MEIS2: variants seen among roughly 807,000 people sequenced by gnomAD.
MEIS2 encodes homeobox protein Meis2.
A neutral mutation model predicts 58.6 loss-of-function variants in MEIS2; 9 were observed. The observed-to-expected ratio is 0.15, with a 90% CI of 0.09 to 0.27. The LOEUF is 0.27. Among genes scored for constraint, MEIS2 ranks in the 10% least tolerant of loss-of-function variants. The pLI is 1.00. For synonymous variants in MEIS2, 221 were observed against 228.4 expected, an observed-to-expected ratio of 0.97 and a Z score of 0.29; for missense variants, 427 against 635.0, an observed-to-expected ratio of 0.67 and a Z score of 3.52.
chr15:37,062,930 A>T (rs138892751), intron 7 of MEIS2, among the ~76,000 whole-genome samples: 7 of 152,316 alleles, frequency 4.6e-5, no homozygotes, highest in African/African-American at 1.7e-4. Flanking sequence ...ATGGGGTAAG[A>T]CGTCTCTTCA....
At chr15:37,009,848 A>G (rs1305033924) in intron 8 of MEIS2, among the ~76,000 whole-genome samples, 3 of 152,256 alleles carry the variant, frequency 2.0e-5, no homozygotes, top group African/African-American at 7.2e-5. Context: ...ACATGTGTCT[A>G]CATAGATACA....
Position 36,941,976 on chromosome 15 carries a change from C to T in MEIS2, c.977+8348G>A, listed in dbSNP as rs116060552. ...TAAGGAAGTTTGGAACTTAGGAGGT[C>T]GACATTAAACAGCCTGAAACCTCAG... On this transcript the variant is annotated intron_variant, in intron 9 of 11. Transcript: ENST00000561208. 5.8e-3 allele frequency among the ~76,000 whole-genome samples: 885 copies of T among 152,080 alleles called. 8 individuals are homozygous for T. The highest frequency in any genetic ancestry group is 0.02 in the African/African-American group (832 of 41,490).
In MEIS2 at chr15:37,020,754, GA is replaced by G. The variant is rs199835205; in HGVS notation, c.900+16059del. Reference sequence around the variant, plus strand: ...CATCCTCACTGGCTGTGTTATGGGGGAAAAAAAAACCCATAAACCTTTGAAC... The same window carrying G: ...CATCCTCACTGGCTGTGTTATGGGGGAAAAAAAACCCATAAACCTTTGAAC... On this transcript the variant is annotated intron_variant, in intron 8 of 11. Transcript: ENST00000561208. 3.3e-3 allele frequency among the ~76,000 whole-genome samples: 480 copies of G among 146,840 alleles called. 3 individuals are homozygous for G. Among genetic ancestry groups the G allele is most frequent in the African/African-American group, 0.01 (413 of 40,034 alleles).
intron 8 of MEIS2, chr15:36,972,699 A>G (rs1194768): frequency 6.6e-6 from 1 of 152,158 alleles, no homozygotes; most frequent in East Asian, 1.9e-4. Context: ...GGTTTCCAAA[A>G]GACCTTAATT....
At chr15:37,061,743 T>C (rs976211523) in intron 7 of MEIS2, among the ~76,000 whole-genome samples, 11 of 152,168 alleles carry the variant, frequency 7.2e-5, no homozygotes. Context: ...GAGATGGTTG[T>C]AGAAACTAAG....
In MEIS2 at chr15:37,069,552, A is replaced by AG. The variant is rs574576429; in HGVS notation, c.754+14218dup. ...CCTAATTCTCCTTCCCACAGCCAAA[A>AG]GGGGGTGTGACACATCCAAGTGGGC... On this transcript the variant is annotated intron_variant, in intron 7 of 11. Coordinates refer to ENST00000561208, the MANE Select transcript of MEIS2 (RefSeq NM_170675.5). Among the ~76,000 whole-genome samples, 814 of 152,280 alleles carry AG rather than the reference A, an allele frequency of 5.3e-3. 5 individuals are homozygous for AG. The highest frequency in any genetic ancestry group is 9.2e-3 in the Non-Finnish European group (624 of 68,012).
At chr15:36,927,458 G>T (rs1203741208) in intron 9 of MEIS2, among the ~76,000 whole-genome samples, 1 of 152,078 alleles carries the variant, frequency 6.6e-6, no homozygotes, top group African/African-American at 2.4e-5. Flanking sequence ...AGAAACTAAC[G>T]CAAAGTGGGA....
intron 8 of MEIS2, among the ~76,000 whole-genome samples, chr15:37,007,354 T>C (rs1331482779): frequency 6.6e-6 from 1 of 151,806 alleles, no homozygotes; most frequent in Non-Finnish European, 1.5e-5. Context: ...CATAGCAAGG[T>C]CCCATCTCAA....
At position 36,904,638 on chromosome 15, in the gene MEIS2, C is replaced by CTT. The variant is rs55954977; in HGVS notation, c.978-7954_978-7953dup. Among the ~76,000 whole-genome samples, 72 of 129,124 alleles carry CTT rather than the reference C, an allele frequency of 5.6e-4. No homozygotes were observed. The East Asian group carries it at 6.0e-3, about 11-fold the overall frequency. The allele number at this position is 129,124 out of a possible 152,430, so 84.7% of individuals were successfully genotyped here. On this transcript the variant is annotated intron_variant, in intron 9 of 11. Coordinates refer to ENST00000561208, the MANE Select transcript of MEIS2 (RefSeq NM_170675.5). ...AGAGATAAAAGGATTACATTTTCTTCTTTTTTTTTTTTTATCTGTGAGCAA... is the reference window on the plus strand; with the variant it reads ...AGAGATAAAAGGATTACATTTTCTTCTTTTTTTTTTTTTTTATCTGTGAGCAA...
At chr15:36,991,268 G>C (rs1477443430) in intron 8 of MEIS2, among the ~76,000 whole-genome samples, 1 of 124,430 alleles carries the variant, frequency 8.0e-6, no homozygotes, top group Non-Finnish European at 1.7e-5. Flanking sequence ...TTTTTTTTTT[G>C]TGCAAACTCA....
At chr15:36,979,278 G>A (rs2059855868) in intron 8 of MEIS2, among the ~76,000 whole-genome samples, 1 of 151,840 alleles carries the variant, frequency 6.6e-6, no homozygotes, top group South Asian at 2.1e-4. Context: ...TTTTAGATTT[G>A]GGTACCATCC....
At chr15:37,026,027 C>T (rs78628518) in intron 8 of MEIS2, among the ~76,000 whole-genome samples, 5,246 of 152,034 alleles carry the variant, frequency 0.035, 321 homozygotes, top group African/African-American at 0.12. Flanking sequence ...ACCCCATGTT[C>T]CCATGTTCTC....
Position 36,922,420 on chromosome 15 carries a change from GTGTT to G in MEIS2, c.978-25738_978-25735del, listed in dbSNP as rs546562152. Among the ~76,000 whole-genome samples the G allele has an allele frequency of 4.3e-3, 645 of 151,758 alleles. 2 individuals are homozygous for G. Among genetic ancestry groups the G allele is most frequent in the African/African-American group, 0.014 (566 of 41,348 alleles). On this transcript the variant is annotated intron_variant, in intron 9 of 11. Coordinates refer to ENST00000561208, the MANE Select transcript of MEIS2 (RefSeq NM_170675.5). Reference sequence around the variant, plus strand: ...AGAATCAAAAGGTTTTTTTGTGTGTGTGTTTGTTTGTTTTCACCTCATTTTACGT... The same window carrying G: ...AGAATCAAAAGGTTTTTTTGTGTGTGTGTTTGTTTTCACCTCATTTTACGT...
In MEIS2 at chr15:37,096,449, C is replaced by T. The variant is rs771598704; in HGVS notation, c.246-19G>A. The T allele has an allele frequency of 1.9e-6, 3 of 1,610,276 alleles. No individual in the cohort carries two copies. In the South Asian group the frequency reaches 3.3e-5, roughly 18 times the overall value. Reference sequence around the variant, plus strand: ...CGGGTGCCTAACGGGCAGCGCCACGCAGAGACACACACACAGAGACGGGGT... The same window carrying T: ...CGGGTGCCTAACGGGCAGCGCCACGTAGAGACACACACACAGAGACGGGGT... On this transcript the variant is annotated intron_variant, in intron 2 of 11. Coordinates refer to ENST00000561208, the MANE Select transcript of MEIS2 (RefSeq NM_170675.5).
chr15:36,945,981 G>A (rs1438140062), intron 9 of MEIS2, among the ~76,000 whole-genome samples: 2 of 151,920 alleles, frequency 1.3e-5, no homozygotes, highest in Non-Finnish European at 2.9e-5. Context: ...TGTAATTACT[G>A]CAGTGACATG....
chr15:36,968,153 C>T (rs756098780), intron 8 of MEIS2, among the ~76,000 whole-genome samples: 5 of 152,134 alleles, frequency 3.3e-5, no homozygotes, highest in African/African-American at 7.2e-5. Flanking sequence ...TGCTATTTGT[C>T]GAAGCAGCGT....
intron 9 of MEIS2, among the ~76,000 whole-genome samples, chr15:36,903,119 C>T (rs969693860): frequency 6.6e-6 from 1 of 152,230 alleles, no homozygotes; most frequent in Non-Finnish European, 1.5e-5. Flanking sequence ...AGGGAATTAT[C>T]TTTTATTTCC....
At chr15:36,925,302 T>A (rs189514359) in intron 9 of MEIS2, among the ~76,000 whole-genome samples, 10 of 152,302 alleles carry the variant, frequency 6.6e-5, no homozygotes, top group Non-Finnish European at 1.5e-5. Context: ...TTATTATACA[T>A]GGGCAACGTC....
chr15:37,069,382 C>T (rs1890378081), intron 7 of MEIS2, among the ~76,000 whole-genome samples: 1 of 152,166 alleles, frequency 6.6e-6, no homozygotes. Flanking sequence ...GAGCTAACTG[C>T]TATGAAGCGT....
Sources: allele counts gnomAD v4.1 joint callset (sites outside exome capture counted in the v4.1 genomes callset), GRCh38; gene constraint gnomAD v4.1.1; transcripts MANE v1.5; gene names NCBI Gene and HGNC (gene_info 2026-07-23, HGNC 2026-07-21).